Variants in PARD3 observed in about 807,000 individuals in gnomAD.
PARD3 encodes partitioning defective 3 homolog.
A neutral mutation model predicts 155.4 loss-of-function variants in PARD3; 75 were observed. The observed-to-expected ratio is 0.48, with a 90% CI of 0.40 to 0.58. The LOEUF is 0.58. Among genes scored for constraint, PARD3 ranks in the 20% least tolerant of loss-of-function variants. The pLI, the probability that PARD3 is intolerant of heterozygous loss-of-function variation, is 0.00. For missense variants in PARD3, 1,642 were observed against 1,721.7 expected, an observed-to-expected ratio of 0.95 and a Z score of 0.82; for synonymous variants, 576 against 610.5, an observed-to-expected ratio of 0.94 and a Z score of 0.83.
intron 23 of PARD3, among the ~76,000 whole-genome samples, chr10:34,129,718 T>TTTTTTA (rs1947499599): frequency 6.9e-6 from 1 of 144,568 alleles, no homozygotes; most frequent in African/African-American, 2.6e-5. Context: ...TTTTTTTTTT[T>TTTTTTA]GAGCCAGGGT....
chr10:34,589,961 T>C (rs1405976614), intron 2 of PARD3, among the ~76,000 whole-genome samples: 1 of 152,242 alleles, frequency 6.6e-6, no homozygotes, highest in Non-Finnish European at 1.5e-5. Context: ...TCATCTGTAG[T>C]GATCCACAAC....
At chr10:34,388,187 G>C (rs917322106) in intron 7 of PARD3, among the ~76,000 whole-genome samples, 1 of 152,246 alleles carries the variant, frequency 6.6e-6, no homozygotes, top group Middle Eastern at 3.4e-3. Flanking sequence ...ACTGAATTAA[G>C]GTGAAGTTAG....
At chr10:34,792,213 G>A (rs2134253295) in intron 1 of PARD3, among the ~76,000 whole-genome samples, 1 of 152,248 alleles carries the variant, frequency 6.6e-6, no homozygotes, top group East Asian at 1.9e-4. Context: ...ACGCTGGGTG[G>A]GAGAAGACCT....
chr10:34,404,529 A>T (rs1211703682), intron 5 of PARD3, among the ~76,000 whole-genome samples: 1 of 152,158 alleles, frequency 6.6e-6, no homozygotes, highest in East Asian at 1.9e-4. Context: ...AGAAAAAAAT[A>T]GAACTATATA....
intron 1 of PARD3, among the ~76,000 whole-genome samples, chr10:34,775,433 C>T (rs937934341): frequency 2.0e-5 from 3 of 152,020 alleles, no homozygotes; most frequent in Admixed American, 6.6e-5. Context: ...TCACTTTAGC[C>T]CAGGAGTTTG....
chr10:34,316,012 T>G (rs1341585473), intron 20 of PARD3, among the ~76,000 whole-genome samples: 1 of 152,226 alleles, frequency 6.6e-6, no homozygotes, highest in Non-Finnish European at 1.5e-5. Flanking sequence ...TCCTCGACTT[T>G]CCAGGTCTGA....
intron 2 of PARD3, 88 bp from the exon 3 acceptor site, chr10:34,517,247 T>G (rs2081834961): frequency 2.5e-6 from 3 of 1,210,336 alleles, no homozygotes; most frequent in Admixed American, 2.4e-5. Flanking sequence ...AATTCTACAG[T>G]GCAAAAATAC....
Position 34,341,692 on chromosome 10 carries a change from A to T in PARD3, c.2343T>A (p.Asp781Glu). The change falls in exon 16 of 25, where the codon GAT becomes GAA. Residue 781 changes from aspartate (D) to glutamate (E), a missense_variant. By Grantham distance (45) the Asp-to-Glu change is conservative. Transcript: ENST00000374788. ...SDQSSSSSHD[D>E]VGFVTADAGT... ...CAGCATCTGCCGTCACAAACCCCAC[A>T]TCATCATGGGAGCTGGAAGAGGACT... 6.2e-7 allele frequency: 1 copy of T among 1,613,982 alleles called. No individual in the cohort carries two copies. Among genetic ancestry groups the T allele is most frequent in the Non-Finnish European group, 8.5e-7 (1 of 1,179,918 alleles).
intron 5 of PARD3, among the ~76,000 whole-genome samples, chr10:34,442,203 T>C (rs773797057): frequency 3.9e-5 from 6 of 152,200 alleles, no homozygotes; most frequent in East Asian, 1.9e-4. Context: ...TGGATCCTCA[T>C]TGACTTCACG....
Position 34,535,407 on chromosome 10 carries a change from C to T in PARD3, c.223-18248G>A, listed in dbSNP as rs565012879. 4.6e-5 allele frequency among the ~76,000 whole-genome samples: 7 copies of T among 152,074 alleles called. No individual in the cohort carries two copies. In the South Asian group the frequency reaches 8.3e-4, roughly 18 times the overall value. ...ATACCAGACAGTTCATGCAATGAGA[C>T]GAGAGTATTTCAGCATCTTCCATGA... On this transcript the variant is annotated intron_variant, in intron 2 of 24. Coordinates refer to ENST00000374788, the MANE Select transcript of PARD3 (RefSeq NM_001184785.2).
At chr10:34,739,645 C>T (rs1482760541) in intron 1 of PARD3, among the ~76,000 whole-genome samples, 1 of 152,258 alleles carries the variant, frequency 6.6e-6, no homozygotes, top group Non-Finnish European at 1.5e-5. Flanking sequence ...CTATGAACCA[C>T]CTTGTGCAAC....
chr10:34,665,906 A>AAAAAGAAAAGAAAAG (rs1554804217), intron 2 of PARD3, among the ~76,000 whole-genome samples: 1 of 147,138 alleles, frequency 6.8e-6, no homozygotes, highest in African/African-American at 2.5e-5. Flanking sequence ...AGAACAGAAC[A>AAAAAGAAAAGAAAAG]AAAAGAAAAG....
At chr10:34,713,929 G>T (rs2094482160) in intron 1 of PARD3, among the ~76,000 whole-genome samples, 2 of 152,000 alleles carry the variant, frequency 1.3e-5, no homozygotes, top group South Asian at 4.2e-4. Flanking sequence ...CTAAAATGTT[G>T]AATATTTCTC....
chr10:34,680,741 A>T (rs1250825204), intron 2 of PARD3, among the ~76,000 whole-genome samples: 1 of 150,124 alleles, frequency 6.7e-6, no homozygotes, highest in African/African-American at 2.4e-5. Context: ...AGAGCAAAAA[A>T]CCAAACACCA....
intron 18 of PARD3, among the ~76,000 whole-genome samples, chr10:34,335,510 A>G (rs1269699923): frequency 6.6e-6 from 1 of 152,032 alleles, no homozygotes; most frequent in Non-Finnish European, 1.5e-5. Context: ...CTGTCATACA[A>G]TAACATAAAA....
chr10:34,604,581 T>C (rs1056590253), intron 2 of PARD3, among the ~76,000 whole-genome samples: 3 of 147,830 alleles, frequency 2.0e-5, no homozygotes, highest in African/African-American at 4.9e-5. Context: ...TATATATATA[T>C]AAAGATATAT....
intron 22 of PARD3, among the ~76,000 whole-genome samples, chr10:34,168,983 A>G (rs1949664282): frequency 6.6e-6 from 1 of 152,210 alleles, no homozygotes. Flanking sequence ...AAGAGCTCTC[A>G]AATGTAGAGT....
chr10:34,723,122 C>CACCTGAGCTCAGGAGTTCA (rs2094635389), intron 1 of PARD3, among the ~76,000 whole-genome samples: 1 of 151,996 alleles, frequency 6.6e-6, no homozygotes, highest in Non-Finnish European at 1.5e-5. Flanking sequence ...GGTGGGAGAT[C>CACCTGAGCTCAGGAGTTCA]ACCTGAGCTC....
At chr10:34,572,550 A>G (rs2086506016) in intron 2 of PARD3, among the ~76,000 whole-genome samples, 1 of 151,462 alleles carries the variant, frequency 6.6e-6, no homozygotes, top group Admixed American at 6.6e-5. Flanking sequence ...GAGAGGGAGG[A>G]GAATTGCTTG....
Sources: allele counts gnomAD v4.1 joint callset (sites outside exome capture counted in the v4.1 genomes callset), GRCh38; gene constraint gnomAD v4.1.1; transcripts MANE v1.5; gene names NCBI Gene and HGNC (gene_info 2026-07-23, HGNC 2026-07-21).